Variants in MYEF2 observed in about 807,000 individuals in gnomAD.
MYEF2 encodes myelin expression factor 2.
MYEF2 carries 37 observed loss-of-function variants against 75.2 expected under a neutral mutation model. The ratio of observed to expected loss-of-function variants is 0.49; its 90% CI spans 0.38 to 0.65. MYEF2 has a LOEUF of 0.65. Among genes scored for constraint, MYEF2 ranks in the 30% least tolerant of loss-of-function variants. The probability of loss-of-function intolerance (pLI) is 0.00; values close to 1 mark genes in which losing one functional copy is unlikely to be tolerated. For missense variants in MYEF2, 634 were observed against 771.4 expected (o/e 0.82, Z 2.11); for synonymous variants, 195 against 241.6 (o/e 0.81, Z 1.79).
At chr15:48,160,037 A>ACTTT (rs1205115618) in intron 5 of MYEF2, among the ~76,000 whole-genome samples, 6 of 152,042 alleles carry the variant, frequency 3.9e-5, no homozygotes, top group African/African-American at 1.4e-4. Flanking sequence ...CACTAAAGCC[A>ACTTT]CTTAAGAACT....
chr15:48,143,843 T>C (rs1458586350), intron 16 of MYEF2, among the ~76,000 whole-genome samples: 1 of 152,092 alleles, frequency 6.6e-6, no homozygotes, highest in Non-Finnish European at 1.5e-5. Flanking sequence ...CAATACCATT[T>C]ATCAAAATAA....
chr15:48,177,083 C>A (rs1001580800), intron 1 of MYEF2, among the ~76,000 whole-genome samples: 2 of 152,206 alleles, frequency 1.3e-5, no homozygotes, highest in African/African-American at 4.8e-5. Context: ...GAGCATATAT[C>A]TATTGCTTTC....
At chr15:48,163,588 G>A (rs1325493587) in intron 5 of MYEF2, among the ~76,000 whole-genome samples, 1 of 152,192 alleles carries the variant, frequency 6.6e-6, no homozygotes, top group Non-Finnish European at 1.5e-5. Context: ...TCAGTGTAAT[G>A]AAACAGTCTT....
Position 48,141,863 on chromosome 15 carries a change from C to T in MYEF2, c.*1045G>A. 2.2e-6 allele frequency: 1 copy of T among 457,974 alleles called. No homozygotes were observed. The highest frequency in any genetic ancestry group is 3.8e-6 in the Non-Finnish European group (1 of 262,618). 28.4% of individuals were successfully genotyped at this position (457,974 alleles called of 1,614,324 possible). ...AAATGTTAAGACTTTAAATACTAAC[C>T]CAAGAAAAATTTAAAAATACAAATT... On this transcript the variant is annotated 3_prime_UTR_variant, in exon 17 of 17. Coordinates refer to ENST00000324324, the MANE Select transcript of MYEF2 (RefSeq NM_016132.5).
intron 13 of MYEF2, 110 bp downstream of exon 13, chr15:48,151,363 T>A: frequency 1.8e-6 from 2 of 1,127,472 alleles, no homozygotes; most frequent in Non-Finnish European, 1.3e-6. Flanking sequence ...CTTCAGGTAA[T>A]AAGTTGTATA....
chr15:48,166,223 A>G, intron 3 of MYEF2, 95 bp from the exon 4 acceptor site: 5 of 1,003,898 alleles, frequency 5.0e-6, no homozygotes, highest in Non-Finnish European at 7.3e-6. Context: ...TCAATCATTA[A>G]GGCAATTAAT....
At chr15:48,164,769 C>A (rs1294936204) in intron 5 of MYEF2, among the ~76,000 whole-genome samples, 1 of 152,152 alleles carries the variant, frequency 6.6e-6, no homozygotes, top group Non-Finnish European at 1.5e-5. Flanking sequence ...AAAAAGGTTA[C>A]AGTGAAAGTT....
chr15:48,143,198 AATAAT>A (rs2140789873), intron 16 of MYEF2, 127 bp from the exon 17 acceptor site: 2 of 501,106 alleles, frequency 4.0e-6, no homozygotes, highest in Non-Finnish European at 6.3e-6. Flanking sequence ...ATTTAAAATA[AATAAT>A]ATAAGCATTA....
chr15:48,176,810 C>T (rs970118085), intron 1 of MYEF2, among the ~76,000 whole-genome samples: 13 of 152,170 alleles, frequency 8.5e-5, no homozygotes, highest in Non-Finnish European at 1.3e-4. Flanking sequence ...TTTCTGGTTC[C>T]TCAATTACTG....
Position 48,159,784 on chromosome 15 carries a change from A to G in MYEF2, c.546T>C (p.Ala182=), listed in dbSNP as rs2039866790. The change falls in exon 6 of 17, where the codon GCT becomes GCC. Residue 182 remains alanine, a synonymous_variant. Coordinates refer to ENST00000324324, the MANE Select transcript of MYEF2 (RefSeq NM_016132.5). ...CTCCTGTTCGCTGCAATGCCCTACGAGCATTTTCTCCATCAGGATCCTATA... is the reference window on the plus strand; with the variant it reads ...CTCCTGTTCGCTGCAATGCCCTACGGGCATTTTCTCCATCAGGATCCTATA... ...NIKEDPDGEN[A]RRALQRTGGS... The G allele has an allele frequency of 6.2e-7, 1 of 1,612,858 alleles. No homozygotes were observed. Among genetic ancestry groups the G allele is most frequent in the South Asian group, 1.1e-5 (1 of 90,942 alleles).
rs1259456093 is a variant in MYEF2 at position 48,138,378 on chromosome 15, T to C, written c.*4530A>G. On this transcript the variant is annotated 3_prime_UTR_variant, in exon 17 of 17. Transcript: ENST00000324324. ...TTCATAAATTGTACTTTAGATGATATACTACCTCCTACTTTAAGGTTATTT... is the reference window on the plus strand; with the variant it reads ...TTCATAAATTGTACTTTAGATGATACACTACCTCCTACTTTAAGGTTATTT... 6.6e-6 allele frequency: 1 copy of C among 152,086 alleles called. No homozygotes were observed. The highest frequency in any genetic ancestry group is 1.5e-5 in the Non-Finnish European group (1 of 67,938). 9.4% of individuals were successfully genotyped at this position (152,086 alleles called of 1,614,324 possible).
intron 9 of MYEF2, among the ~76,000 whole-genome samples, chr15:48,156,819 TCAAA>T (rs2039715902): frequency 6.6e-6 from 1 of 151,932 alleles, no homozygotes; most frequent in Admixed American, 6.6e-5. Context: ...ATGATATCAC[TCAAA>T]CAAAATTTTA....
intron 5 of MYEF2, among the ~76,000 whole-genome samples, chr15:48,165,607 A>T (rs1182366173): frequency 6.6e-6 from 1 of 152,048 alleles, no homozygotes; most frequent in Non-Finnish European, 1.5e-5. Flanking sequence ...TTTCTCAAAT[A>T]ACAAAATCTA....
At chr15:48,151,740 C>A in intron 12 of MYEF2, 134 bp downstream of exon 12, 1 of 1,188,428 alleles carries the variant, frequency 8.4e-7, no homozygotes. Context: ...ATTCCCCAGG[C>A]CTGTCCTTAT....
chr15:48,138,192 AGTT>A lies in MYEF2; in HGVS notation c.*4713_*4715del, dbSNP rs1462146568. The A allele has an allele frequency of 1.3e-5, 2 of 152,040 alleles. No individual in the cohort carries two copies. Among genetic ancestry groups the A allele is most frequent in the African/African-American group, 4.8e-5 (2 of 41,446 alleles). The allele number at this position is 152,040 out of a possible 1,614,324, so 9.4% of individuals were successfully genotyped here. ...GTTGAAGCTTGGCAAACTTTTTATG[AGTT>A]GTTGTACTAACATTAGTTTTAACAT... On this transcript the variant is annotated 3_prime_UTR_variant, in exon 17 of 17. Coordinates refer to ENST00000324324, the MANE Select transcript of MYEF2 (RefSeq NM_016132.5).
chr15:48,143,148 T>G, intron 16 of MYEF2, 77 bp from the exon 17 acceptor site: 2 of 880,006 alleles, frequency 2.3e-6, no homozygotes, highest in Non-Finnish European at 3.1e-6. Context: ...AAATTCCTCA[T>G]AGCCAATTGT....
At chr15:48,159,013 T>C in intron 6 of MYEF2, 91 bp from the exon 7 acceptor site, 1 of 1,071,694 alleles carries the variant, frequency 9.3e-7, no homozygotes, top group South Asian at 1.6e-5. Context: ...CTTAAAACCA[T>C]AAAGAACCAT....
chr15:48,160,578 T>C (rs1245096054), intron 5 of MYEF2, among the ~76,000 whole-genome samples: 1 of 148,108 alleles, frequency 6.8e-6, no homozygotes, highest in Non-Finnish European at 1.5e-5. Context: ...CAAAAATAAA[T>C]AAACAAAAAC....
At chr15:48,172,983 T>C (rs958922581) in intron 1 of MYEF2, among the ~76,000 whole-genome samples, 1 of 152,172 alleles carries the variant, frequency 6.6e-6, no homozygotes, top group African/African-American at 2.4e-5. Flanking sequence ...GAGGAAAGTC[T>C]TTCAAATCAT....
Sources: allele counts gnomAD v4.1 joint callset (sites outside exome capture counted in the v4.1 genomes callset), GRCh38; gene constraint gnomAD v4.1.1; transcripts MANE v1.5; gene names NCBI Gene and HGNC (gene_info 2026-07-23, HGNC 2026-07-21).